COL14A1: variants seen among roughly 807,000 people sequenced by gnomAD.
The protein encoded by COL14A1 is collagen type XIV alpha 1 chain, also known as collagen alpha-1(XIV) chain.
Under a neutral mutation model 230.3 loss-of-function variants are expected in COL14A1, and 136 were observed. The observed-to-expected ratio is 0.59, with a 90% CI of 0.51 to 0.68. COL14A1 has a LOEUF of 0.68. Among genes scored for constraint, COL14A1 ranks in the 30% least tolerant of loss-of-function variants. The pLI, the probability that COL14A1 is intolerant of heterozygous loss-of-function variation, is 0.00. For missense variants in COL14A1, 1,976 were observed against 2,215.8 expected (o/e 0.89, Z 2.17); for synonymous variants, 792 against 784.1 (o/e 1.01, Z -0.17).
At chr8:120,186,217 T>A (rs1013978722) in intron 5 of COL14A1, among the ~76,000 whole-genome samples, 2 of 152,242 alleles carry the variant, frequency 1.3e-5, no homozygotes, top group Middle Eastern at 3.2e-3. Context: ...ACCTTAACTC[T>A]TTTTATAAAA....
intron 21 of COL14A1, 97 bp downstream of exon 21, chr8:120,247,832 G>A: frequency 7.0e-7 from 1 of 1,431,808 alleles, no homozygotes; most frequent in Non-Finnish European, 9.5e-7. Flanking sequence ...ATGTTTGGTT[G>A]TATTTTTTTA....
intron 40 of COL14A1, among the ~76,000 whole-genome samples, chr8:120,328,244 G>A (rs1359306839): frequency 2.6e-5 from 4 of 151,800 alleles, no homozygotes; most frequent in African/African-American, 9.7e-5. Context: ...TGCTTTATTT[G>A]TTTTTTTGAG....
intron 5 of COL14A1, among the ~76,000 whole-genome samples, chr8:120,182,666 T>G (rs1816497595): frequency 6.6e-6 from 1 of 151,642 alleles, no homozygotes. Context: ...AATCAGGAAA[T>G]AACTAGGCAA....
chr8:120,338,335 T>C (rs1051620466), intron 42 of COL14A1, among the ~76,000 whole-genome samples: 2 of 152,200 alleles, frequency 1.3e-5, no homozygotes, highest in African/African-American at 2.4e-5. Context: ...GCAGAATTGC[T>C]AAGCAGGGTT....
Position 120,373,044 on chromosome 8 carries a change from G to T in COL14A1, c.*1813G>T, listed in dbSNP as rs1229579894. On this transcript the variant is annotated 3_prime_UTR_variant, in exon 48 of 48. Transcript: ENST00000297848. Reference sequence around the variant, plus strand: ...AGAACTCTTCCAACTTAAATGACTAGGGTGTGTAATCAGTTGCTTCTTATT... The same window carrying T: ...AGAACTCTTCCAACTTAAATGACTATGGTGTGTAATCAGTTGCTTCTTATT... 1.3e-5 allele frequency among the ~76,000 whole-genome samples: 2 copies of T among 152,164 alleles called. No homozygotes were observed. Among genetic ancestry groups the T allele is most frequent in the Non-Finnish European group, 2.9e-5 (2 of 68,030 alleles).
chr8:120,171,063 C>T (rs140093668), intron 5 of COL14A1, among the ~76,000 whole-genome samples: 9 of 151,706 alleles, frequency 5.9e-5, no homozygotes, highest in East Asian at 5.8e-4. Flanking sequence ...ATCTTTTTTC[C>T]CCCTTTACAC....
In COL14A1 at chr8:120,280,765, A is replaced by G. The variant is rs769527318; in HGVS notation, c.3685+16A>G. The G allele has an allele frequency of 1.6e-5, 25 of 1,612,110 alleles. No individual in the cohort carries two copies. Among genetic ancestry groups the G allele is most frequent in the Middle Eastern group, 1.7e-4 (1 of 6,052 alleles). On this transcript the variant is annotated intron_variant, in intron 30 of 47. Coordinates refer to ENST00000297848, the MANE Select transcript of COL14A1 (RefSeq NM_021110.4). ...GATCTTGCAGGTATGCATTATCACAATCTTTTCAAACACAAAATATATTAC... is the reference window on the plus strand; with the variant it reads ...GATCTTGCAGGTATGCATTATCACAGTCTTTTCAAACACAAAATATATTAC...
intron 12 of COL14A1, among the ~76,000 whole-genome samples, chr8:120,212,157 G>A (rs1817631718): frequency 6.6e-6 from 1 of 152,224 alleles, no homozygotes; most frequent in African/African-American, 2.4e-5. Context: ...CTCCTGGGGA[G>A]CATATACTCA....
Position 120,262,896 on chromosome 8 carries a change from T to C in COL14A1, c.2898T>C (p.Gly966=). Reference sequence around the variant, plus strand: ...GGCAAAAGCAAGAATCCACTGTGGGTGGAGGGACAACCAGGCATTGCTTCT... The same window carrying C: ...GGCAAAAGCAAGAATCCACTGTGGGCGGAGGGACAACCAGGCATTGCTTCT... ...QDRQKQESTV[G]GGTTRHCFYG... Residue 966 remains glycine (G), a synonymous_variant, in exon 24 of 48, where the codon GGT becomes GGC. Coordinates refer to ENST00000297848, the MANE Select transcript of COL14A1 (RefSeq NM_021110.4). The C allele has an allele frequency of 6.2e-7, 1 of 1,613,258 alleles. No homozygotes were observed. The highest frequency in any genetic ancestry group is 1.1e-5 in the South Asian group (1 of 90,852).
intron 4 of COL14A1, among the ~76,000 whole-genome samples, chr8:120,165,011 T>G (rs1406086374): frequency 6.6e-6 from 1 of 152,248 alleles, no homozygotes; most frequent in Non-Finnish European, 1.5e-5. Flanking sequence ...TGCTTAACTC[T>G]GCTAAGATAG....
At chr8:120,168,868 T>C (rs1374498818) in intron 5 of COL14A1, among the ~76,000 whole-genome samples, 2 of 152,102 alleles carry the variant, frequency 1.3e-5, no homozygotes, top group East Asian at 3.9e-4. Flanking sequence ...CAACCCCGTT[T>C]TTTTTGAGGC....
intron 22 of COL14A1, among the ~76,000 whole-genome samples, chr8:120,251,942 A>T (rs964687082): frequency 1.1e-4 from 17 of 151,564 alleles, no homozygotes; most frequent in Admixed American, 1.1e-3. Flanking sequence ...CTATTGCTAT[A>T]AACCCCTTAA....
intron 4 of COL14A1, among the ~76,000 whole-genome samples, chr8:120,162,814 C>T (rs537741599): frequency 1.3e-5 from 2 of 152,174 alleles, no homozygotes. Flanking sequence ...AACTTCTTAA[C>T]ATTGGCTCCT....
intron 44 of COL14A1, 47 bp downstream of exon 44, chr8:120,342,493 A>C: frequency 1.2e-3 from 1,834 of 1,536,642 alleles, no homozygotes; most frequent in Non-Finnish European, 1.5e-3. Context: ...ACAAACTCTC[A>C]TCCAAAAGAG....
Position 120,373,263 on chromosome 8 carries a change from C to T in COL14A1, c.*2032C>T, listed in dbSNP as rs1812219881. 1.3e-5 allele frequency among the ~76,000 whole-genome samples: 2 copies of T among 152,162 alleles called. No homozygotes were observed. Among genetic ancestry groups the T allele is most frequent in the South Asian group, 2.1e-4 (1 of 4,820 alleles). ...CCATTCACATCATTCTTGAGTTGTG[C>T]AAATACACTTGGCTTTGATTTCACT... On this transcript the variant is annotated 3_prime_UTR_variant, in exon 48 of 48. Transcript: ENST00000297848.
chr8:120,161,870 G>A (rs1048991837), intron 3 of COL14A1, among the ~76,000 whole-genome samples: 98 of 152,096 alleles, frequency 6.4e-4, no homozygotes, highest in African/African-American at 2.3e-3. Context: ...TCACCACATT[G>A]GCCAGGCTGG....
chr8:120,218,007 T>C (rs180822793), intron 14 of COL14A1, among the ~76,000 whole-genome samples: 1,650 of 140,778 alleles, frequency 0.012, 35 homozygotes, highest in African/African-American at 0.04. Context: ...ATATTATATA[T>C]TTAAATTATA....
intron 4 of COL14A1, among the ~76,000 whole-genome samples, chr8:120,166,871 T>G (rs1815892636): frequency 7.3e-6 from 1 of 137,416 alleles, no homozygotes; most frequent in African/African-American, 2.8e-5. Flanking sequence ...AAGAAAAGAA[T>G]TTAAGTGTGT....
chr8:120,172,509 G>A (rs1816126492), intron 5 of COL14A1, among the ~76,000 whole-genome samples: 2 of 152,108 alleles, frequency 1.3e-5, no homozygotes, highest in Admixed American at 1.3e-4. Flanking sequence ...TGGTTTCTTA[G>A]GATGATGTGT....
Sources: gnomAD v4.1 joint callset for allele counts (sites outside exome capture counted in the v4.1 genomes callset) on GRCh38, gnomAD v4.1.1 for gene constraint, MANE v1.5 for transcripts, NCBI Gene and HGNC (gene_info 2026-07-23, HGNC 2026-07-21) for gene names.